The following TUSC3 variants were observed in gnomAD, a reference collection of about 807,000 sequenced individuals.
TUSC3 encodes dolichyl-diphosphooligosaccharide--protein glycosyltransferase subunit TUSC3.
Under a neutral mutation model 44.8 loss-of-function variants are expected in TUSC3, and 45 were observed. That is an observed-to-expected ratio of 1.00 (90% CI 0.79 to 1.29). TUSC3 has a LOEUF of 1.29. Ranked by LOEUF, TUSC3 falls within the 50% of genes most tolerant of loss-of-function variation. The pLI, the probability that TUSC3 is intolerant of heterozygous loss-of-function variation, is 0.00. For synonymous variants in TUSC3, 212 were observed against 152.9 expected, an observed-to-expected ratio of 1.39 and a Z score of -2.85; for missense variants, 519 against 437.9, an observed-to-expected ratio of 1.19 and a Z score of -1.65.
At chr8:15,761,965 T>C (rs1812183392) in intron 10 of TUSC3, among the ~76,000 whole-genome samples, 1 of 152,078 alleles carries the variant, frequency 6.6e-6, no homozygotes, top group Admixed American at 6.6e-5. Flanking sequence ...GTGTCAGATC[T>C]TGTTTAGAAA....
intron 1 of TUSC3, among the ~76,000 whole-genome samples, chr8:15,446,590 G>T (rs1173029414): frequency 1.3e-5 from 2 of 151,840 alleles, no homozygotes; most frequent in Non-Finnish European, 2.9e-5. Context: ...AGTCAGGCGT[G>T]GCGGCGGGCG....
chr8:15,604,395 G>T (rs537446030), intron 1 of TUSC3, among the ~76,000 whole-genome samples: 2 of 151,566 alleles, frequency 1.3e-5, no homozygotes, highest in African/African-American at 4.8e-5. Context: ...GACCTTATTC[G>T]ATGATAATTG....
intron 1 of TUSC3, among the ~76,000 whole-genome samples, chr8:15,468,867 A>T (rs969332074): frequency 1.3e-5 from 2 of 152,060 alleles, no homozygotes; most frequent in African/African-American, 4.8e-5. Flanking sequence ...AATATTTTCC[A>T]TGAGACTCTA....
intron 6 of TUSC3, among the ~76,000 whole-genome samples, chr8:15,686,531 A>G (rs1442934686): frequency 6.6e-6 from 1 of 151,760 alleles, no homozygotes; most frequent in African/African-American, 2.4e-5. Flanking sequence ...ACCATATTGT[A>G]CTTTATCCAA....
At chr8:15,798,287 G>C in the TUSC3 span, among the ~76,000 whole-genome samples, 1 of 152,138 alleles carries the variant, frequency 6.6e-6, no homozygotes, top group East Asian at 1.9e-4. Flanking sequence ...AACCTCATGA[G>C]CTGAATCTAG....
chr8:15,821,128 T>G, the TUSC3 span, among the ~76,000 whole-genome samples: 6 of 152,284 alleles, frequency 3.9e-5, no homozygotes, highest in Non-Finnish European at 8.8e-5. Flanking sequence ...AACTTTATTT[T>G]GCCTTCATAT....
intron 2 of TUSC3, among the ~76,000 whole-genome samples, chr8:15,505,436 G>T (rs944040320): frequency 6.0e-4 from 91 of 152,144 alleles, no homozygotes; most frequent in African/African-American, 2.2e-3. Context: ...AGTGTTAATT[G>T]CTGTTGCATA....
At chr8:15,535,133 A>G (rs1801504638) in intron 2 of TUSC3, among the ~76,000 whole-genome samples, 1 of 152,200 alleles carries the variant, frequency 6.6e-6, no homozygotes, top group Non-Finnish European at 1.5e-5. Context: ...ACTTTTTAAA[A>G]ATATAAAAGC....
intron 1 of TUSC3, among the ~76,000 whole-genome samples, chr8:15,581,911 G>T (rs964666440): frequency 6.9e-6 from 1 of 145,850 alleles, no homozygotes; most frequent in Admixed American, 6.8e-5. Flanking sequence ...CCCCAGCCTC[G>T]CTGCCGCCTT....
At chr8:15,613,081 C>A (rs1354824098) in intron 1 of TUSC3, among the ~76,000 whole-genome samples, 7 of 126,742 alleles carry the variant, frequency 5.5e-5, no homozygotes, top group African/African-American at 1.2e-4. Context: ...ATATATATAT[C>A]ATATATATGT....
intron 1 of TUSC3, among the ~76,000 whole-genome samples, chr8:15,444,709 A>T (rs990921221): frequency 6.6e-6 from 1 of 152,230 alleles, no homozygotes; most frequent in African/African-American, 2.4e-5. Context: ...AATCTTTGTC[A>T]GTATCTCCCA....
intron 1 of TUSC3, among the ~76,000 whole-genome samples, chr8:15,465,246 C>T (rs1800399389): frequency 6.6e-6 from 1 of 152,014 alleles, no homozygotes; most frequent in East Asian, 1.9e-4. Context: ...AGCAAAAATG[C>T]CCAACATGGG....
the TUSC3 span, among the ~76,000 whole-genome samples, chr8:15,823,034 A>C: frequency 6.6e-6 from 1 of 152,110 alleles, no homozygotes; most frequent in East Asian, 1.9e-4. Flanking sequence ...TTTCTTTTCT[A>C]AAGGAAGAGG....
intron 1 of TUSC3, among the ~76,000 whole-genome samples, chr8:15,418,584 G>A (rs1465304126): frequency 3.3e-5 from 5 of 152,202 alleles, no homozygotes; most frequent in Non-Finnish European, 5.9e-5. Context: ...TATAAAATCG[G>A]CAGCAAAAGA....
chr8:15,675,784 G>T (rs1008589301), intron 6 of TUSC3, among the ~76,000 whole-genome samples: 3 of 151,976 alleles, frequency 2.0e-5, no homozygotes, highest in Non-Finnish European at 4.4e-5. Flanking sequence ...CTTTTTTATG[G>T]CTGTATAGTA....
chr8:15,747,246 TCATATAG>T (rs1811454828), intron 8 of TUSC3, among the ~76,000 whole-genome samples: 16 of 152,082 alleles, frequency 1.1e-4, no homozygotes, highest in Admixed American at 1.0e-3. Context: ...TATTATAGAA[TCATATAG>T]ATCTGTTTGA....
chr8:15,563,826 TA>T (rs1267371957), intron 1 of TUSC3, among the ~76,000 whole-genome samples: 1 of 151,700 alleles, frequency 6.6e-6, no homozygotes, highest in African/African-American at 2.4e-5. Context: ...CACTTGTAAA[TA>T]AGAATTATTT....
rs185164050 is a variant in TUSC3, at chr8:15,702,502, T to C, written c.799-28164T>C. 5.2e-4 allele frequency among the ~76,000 whole-genome samples: 79 copies of C among 152,270 alleles called. 4 individuals carry two copies. In the East Asian group the frequency reaches 8.7e-3, roughly 17 times the overall value. On this transcript the variant is annotated intron_variant, in intron 6 of 10. Transcript: ENST00000503731. ...TACCTTCCAAGGTTCTCATATCAGC[T>C]GAACAAATATTTGAGGTGGGTGTTC... is the stretch of plus-strand genomic sequence containing the variant.
At chr8:15,659,213 T>G (rs1807310266) in intron 3 of TUSC3, among the ~76,000 whole-genome samples, 1 of 152,144 alleles carries the variant, frequency 6.6e-6, no homozygotes, top group African/African-American at 2.4e-5. Flanking sequence ...TTACCCTAAT[T>G]ATAGAATTCA....
Sources: gnomAD v4.1 joint callset for allele counts (sites outside exome capture counted in the v4.1 genomes callset) on GRCh38, gnomAD v4.1.1 for gene constraint, MANE v1.5 for transcripts, NCBI Gene and HGNC (gene_info 2026-07-23, HGNC 2026-07-21) for gene names.